Variants in FGD5 observed in about 807,000 individuals in gnomAD.
FGD5 encodes FYVE, RhoGEF and PH domain containing 5, also known as FYVE, RhoGEF and PH domain-containing protein 5.
Under a neutral mutation model 133.4 loss-of-function variants are expected in FGD5, and 28 were observed. The observed-to-expected ratio is 0.21, with a 90% CI of 0.16 to 0.29. The LOEUF (loss-of-function observed/expected upper bound fraction) is 0.29. Among genes scored for constraint, FGD5 ranks in the 10% least tolerant of loss-of-function variants. The probability of loss-of-function intolerance (pLI) is 1.00; values close to 1 mark genes in which losing one functional copy is unlikely to be tolerated. For missense variants in FGD5, 1,858 were observed against 1,895.2 expected (o/e 0.98, Z 0.36); for synonymous variants, 810 against 776.5 (o/e 1.04, Z -0.72).
chr3:14,888,032 T>TG lies in FGD5; in HGVS notation c.2748+7262dup, dbSNP rs200128261. Among the ~76,000 whole-genome samples, 213 of 151,548 alleles carry TG rather than the reference T, an allele frequency of 1.4e-3. 5 individuals carry two copies. The East Asian group carries it at 0.031, about 22-fold the overall frequency. The stretch of plus-strand genomic sequence containing the variant: ...AAAAAAATTTTTTTTTAGCCAGACA[T>TG]GGTGGCTCATGCCTGTAATCCCAGC... On this transcript the variant is annotated intron_variant, in intron 4 of 19. Coordinates refer to ENST00000285046, the MANE Select transcript of FGD5 (RefSeq NM_152536.4).
At chr3:14,927,510 T>A (rs1359874132) in intron 18 of FGD5, among the ~76,000 whole-genome samples, 3 of 150,926 alleles carry the variant, frequency 2.0e-5, no homozygotes, top group Non-Finnish European at 4.4e-5. Flanking sequence ...TAAGTATGAC[T>A]CCAAAACAGT....
chr3:14,882,196 A>ATTTTTTTT, intron 4 of FGD5: 1 of 616,714 alleles, frequency 1.6e-6, no homozygotes, highest in Non-Finnish European at 2.0e-6. Context: ...TCAGTTTCCC[A>ATTTTTTTT]TTTTTTTTTT....
At chr3:14,831,380 T>A (rs2036704420) in intron 1 of FGD5, among the ~76,000 whole-genome samples, 1 of 152,242 alleles carries the variant, frequency 6.6e-6, no homozygotes, top group Non-Finnish European at 1.5e-5. Context: ...AAACTGTAGC[T>A]AAGAGTATTT....
chr3:14,859,234 TATC>T (rs2037348079), intron 1 of FGD5, among the ~76,000 whole-genome samples: 1 of 152,190 alleles, frequency 6.6e-6, no homozygotes, highest in South Asian at 2.1e-4. Context: ...TCCATCGCCT[TATC>T]ATTTTTATGG....
At chr3:14,890,688 T>G (rs1487810612) in intron 4 of FGD5, among the ~76,000 whole-genome samples, 2 of 152,230 alleles carry the variant, frequency 1.3e-5, no homozygotes, top group Non-Finnish European at 2.9e-5. Context: ...ATGAGTCATG[T>G]TGGTGGTGGC....
Position 14,922,288 on chromosome 3 carries a change from C to G in FGD5, c.3670-123C>G, listed in dbSNP as rs139670016. The G allele has an allele frequency of 8.6e-6, 12 of 1,393,744 alleles. No individual in the cohort carries two copies. The East Asian group carries it at 3.0e-4, about 35-fold the overall frequency. 86.3% of individuals were successfully genotyped at this position (1,393,744 alleles called of 1,614,324 possible). On this transcript the variant is annotated intron_variant, in intron 14 of 19. Transcript: ENST00000285046. The surrounding 1 kb of genome is among the most constrained non-coding windows in gnomAD (Gnocchi z 4.1). ...AGGGTGCAGGAGAGGCCTTTCACAT[C>G]AGACCCACTCACCCACACATCACAC...
rs1229899922 is a variant in FGD5, at chr3:14,821,510, A to G, written c.2439A>G (p.Thr813=). 7 of 1,614,012 alleles carry G rather than the reference A, an allele frequency of 4.3e-6. No homozygotes were observed. In the Admixed American group the frequency reaches 5.0e-5, roughly 12 times the overall value. Residue 813 remains threonine (T), a synonymous_variant, in exon 1 of 20, where the codon ACA becomes ACG. Transcript: ENST00000285046. ...AAGATCAGAGCAGAGCCCTGTCCACAGCAAACGAAAATGATGGCTACGTGG... is the reference window on the plus strand; with the variant it reads ...AAGATCAGAGCAGAGCCCTGTCCACGGCAAACGAAAATGATGGCTACGTGG... ...LFEDQSRALS[T]ANENDGYVDM...
intron 9 of FGD5, among the ~76,000 whole-genome samples, chr3:14,902,546 T>C (rs1316244510): frequency 1.3e-5 from 2 of 152,026 alleles, no homozygotes; most frequent in African/African-American, 4.8e-5. Flanking sequence ...GGAGGCTGAA[T>C]CAGCTAGGTA....
intron 19 of FGD5, 31 bp downstream of exon 19, chr3:14,932,762 T>A (rs753240823): frequency 2.6e-5 from 42 of 1,599,636 alleles, no homozygotes; most frequent in Non-Finnish European, 3.5e-5. Flanking sequence ...TCTTATAGCT[T>A]TTTGTTCTCT....
At chr3:14,901,155 G>A in intron 9 of FGD5, 94 bp downstream of exon 9, 1 of 1,350,942 alleles carries the variant, frequency 7.4e-7, no homozygotes, top group Non-Finnish European at 1.1e-6. Context: ...ACTCCTAGGG[G>A]CTGCAGGCAA....
rs1261672090 is a variant in FGD5, at chr3:14,810,989, C to T, written c.13+124C>T. On this transcript the variant is annotated intron_variant, in intron 1 of 1. Transcript: ENST00000640506. ...CCGAAATCCTCCGACCTTCCAGTGCCGCTCGGCCTCGGCCAAAGCATGCGC... is the reference window on the plus strand; with the variant it reads ...CCGAAATCCTCCGACCTTCCAGTGCTGCTCGGCCTCGGCCAAAGCATGCGC... 7 of 816,076 alleles carry T rather than the reference C, an allele frequency of 8.6e-6. No individual in the cohort carries two copies. The East Asian group carries it at 6.2e-4, about 72-fold the overall frequency. 50.6% of individuals were successfully genotyped at this position (816,076 alleles called of 1,614,324 possible).
chr3:14,885,716 G>A (rs911491727), intron 4 of FGD5, among the ~76,000 whole-genome samples: 27 of 152,168 alleles, frequency 1.8e-4, no homozygotes, highest in African/African-American at 6.3e-4. Flanking sequence ...AGAGCAGGTA[G>A]AAGTGAATGG....
chr3:14,898,934 G>C (rs999402211), intron 7 of FGD5, 108 bp downstream of exon 7: 1 of 999,102 alleles, frequency 1.0e-6, no homozygotes, highest in South Asian at 1.5e-5. Flanking sequence ...TGTCAGGCAG[G>C]TGTTGGGGAA....
upstream of FGD5, among the ~76,000 whole-genome samples, chr3:14,816,400 C>T (rs1559464590): frequency 6.6e-6 from 1 of 152,184 alleles, no homozygotes; most frequent in Non-Finnish European, 1.5e-5. Flanking sequence ...CTGGGGTAGG[C>T]AAAGATGGAC....
At chr3:14,854,135 G>A (rs901904937) in intron 1 of FGD5, among the ~76,000 whole-genome samples, 1 of 151,878 alleles carries the variant, frequency 6.6e-6, no homozygotes, top group Non-Finnish European at 1.5e-5. Context: ...AAACAGAGAG[G>A]TTGAGTGGCT....
chr3:14,861,049 T>C (rs2037388904), intron 1 of FGD5, among the ~76,000 whole-genome samples: 1 of 152,130 alleles, frequency 6.6e-6, no homozygotes, highest in Admixed American at 6.5e-5. Flanking sequence ...GTATTATCAC[T>C]TAGGATGATG....
At chr3:14,832,821 A>G (rs1384297093) in intron 1 of FGD5, among the ~76,000 whole-genome samples, 2 of 152,210 alleles carry the variant, frequency 1.3e-5, no homozygotes, top group African/African-American at 2.4e-5. Context: ...GACAGCCTAC[A>G]GAGACTGTCC....
intron 13 of FGD5, chr3:14,920,383 A>G (rs1437898971): frequency 6.6e-6 from 1 of 152,102 alleles, no homozygotes; most frequent in Non-Finnish European, 1.5e-5. Context: ...TAGGTGGGGC[A>G]TGGTGGCTTA....
At chr3:14,844,216 AAATATATATATAT>A (rs1314648158) in intron 1 of FGD5, among the ~76,000 whole-genome samples, 3 of 30,380 alleles carry the variant, frequency 9.9e-5, no homozygotes, top group South Asian at 1.3e-3. Flanking sequence ...AAAAAAAAAA[AAATATATATATAT>A]ATATATATAT....
Sources: allele counts gnomAD v4.1 joint callset (sites outside exome capture counted in the v4.1 genomes callset), GRCh38; gene constraint gnomAD v4.1.1; non-coding constraint Gnocchi (gnomAD v3.1); transcripts MANE v1.5; gene names NCBI Gene and HGNC (gene_info 2026-07-23, HGNC 2026-07-21).